Variants in SRPK2 observed in about 807,000 individuals in gnomAD.
The protein encoded by SRPK2 is SRSF protein kinase 2.
In SRPK2, 21 loss-of-function variants were observed where a neutral mutation model predicts 90.8. The observed-to-expected ratio is 0.23, with a 90% confidence interval of 0.16 to 0.33. The LOEUF is 0.33. SRPK2 is among the 10% of genes least tolerant of loss of function. SRPK2 has a pLI of 1.00. For missense variants in SRPK2, 620 were observed against 869.0 expected, an observed-to-expected ratio of 0.71 and a Z score of 3.60; for synonymous variants, 288 against 311.1, an observed-to-expected ratio of 0.93 and a Z score of 0.78.
intron 2 of SRPK2, among the ~76,000 whole-genome samples, chr7:105,347,646 G>C (rs567238236): frequency 6.6e-6 from 1 of 151,954 alleles, no homozygotes; most frequent in Admixed American, 6.6e-5. Flanking sequence ...TTGAGTCCAG[G>C]AGTTTGAGAC....
In SRPK2 at chr7:105,203,801, G is replaced by A; in HGVS notation, c.72-16C>T. On this transcript the variant is annotated splice_polypyrimidine_tract_variant and intron_variant, in intron 2 of 15. Transcript: ENST00000393651. ...AGGCTCCGGCCTGAAAGAGCAGAGA[G>A]AAAATTGCTATTTACTTAGAAGTAC... 1 of 1,558,698 alleles carries A rather than the reference G, an allele frequency of 6.4e-7. No homozygotes were observed. The highest frequency in any genetic ancestry group is 8.7e-7 in the Non-Finnish European group (1 of 1,150,980).
chr7:105,281,575 C>A (rs1468359), intron 2 of SRPK2, among the ~76,000 whole-genome samples: 65,871 of 151,454 alleles, frequency 0.43, 15,629 homozygotes, highest in South Asian at 0.54. Context: ...TCACTTGAGC[C>A]TTGAAGTTTA....
chr7:105,125,911 A>G (rs1801129411), intron 15 of SRPK2: 1 of 1,115,734 alleles, frequency 9.0e-7, no homozygotes, highest in African/African-American at 1.6e-5. Flanking sequence ...ACAGAAACAC[A>G]CGACAGTTTA....
chr7:105,356,052 A>C (rs1276350551), intron 2 of SRPK2, among the ~76,000 whole-genome samples: 2 of 152,124 alleles, frequency 1.3e-5, no homozygotes, highest in African/African-American at 2.4e-5. Flanking sequence ...TAAAATAAAT[A>C]AATTAAATTA....
At chr7:105,266,797 C>A (rs902582485) in intron 2 of SRPK2, among the ~76,000 whole-genome samples, 18 of 152,072 alleles carry the variant, frequency 1.2e-4, no homozygotes, top group African/African-American at 4.3e-4. Flanking sequence ...TCTTTTTAAA[C>A]TTCAGATTCT....
chr7:105,134,635 T>C (rs986120039), intron 11 of SRPK2, among the ~76,000 whole-genome samples: 2 of 152,214 alleles, frequency 1.3e-5, no homozygotes, highest in Admixed American at 1.3e-4. Flanking sequence ...ACCAGGGTGC[T>C]TGGGGAGGCT....
intron 2 of SRPK2, among the ~76,000 whole-genome samples, chr7:105,370,914 C>A (rs1284191888): frequency 1.3e-5 from 2 of 151,874 alleles, no homozygotes; most frequent in African/African-American, 4.8e-5. Context: ...CTGCGCCCGG[C>A]CGGATTATTA....
chr7:105,232,708 C>T (rs1408857298), intron 2 of SRPK2, among the ~76,000 whole-genome samples: 17 of 44,130 alleles, frequency 3.9e-4, no homozygotes, highest in East Asian at 7.5e-4. Context: ...AAAAAAACAA[C>T]AATAATAATA....
intron 2 of SRPK2, among the ~76,000 whole-genome samples, chr7:105,211,358 C>T (rs765995763): frequency 8.6e-5 from 13 of 151,880 alleles, no homozygotes; most frequent in Middle Eastern, 6.8e-3. Flanking sequence ...TGAGTCCATT[C>T]GTGCATTGCT....
intron 2 of SRPK2, chr7:105,205,862 C>T (rs1377917874): frequency 3.9e-6 from 2 of 507,976 alleles, no homozygotes; most frequent in Non-Finnish European, 3.9e-6. Context: ...ATGAGAAATA[C>T]TTTGAAAGCT....
chr7:105,234,198 A>G (rs2129620562), intron 2 of SRPK2, among the ~76,000 whole-genome samples: 1 of 152,288 alleles, frequency 6.6e-6, no homozygotes, highest in South Asian at 2.1e-4. Flanking sequence ...AAAGAAAAAG[A>G]CTACAAAGAT....
At chr7:105,273,324 C>T (rs1017142524) in intron 2 of SRPK2, among the ~76,000 whole-genome samples, 8 of 152,088 alleles carry the variant, frequency 5.3e-5, no homozygotes, top group African/African-American at 1.4e-4. Context: ...GCATGCCATG[C>T]TTTTTCACGC....
At chr7:105,343,125 C>G (rs1422934112) in intron 2 of SRPK2, among the ~76,000 whole-genome samples, 1 of 152,130 alleles carries the variant, frequency 6.6e-6, no homozygotes, top group African/African-American at 2.4e-5. Flanking sequence ...GTCTGAATGG[C>G]AAACATTTGT....
chr7:105,268,026 T>G (rs1192480757), intron 2 of SRPK2, among the ~76,000 whole-genome samples: 1 of 152,208 alleles, frequency 6.6e-6, no homozygotes, highest in Non-Finnish European at 1.5e-5. Context: ...TAAACAGAAC[T>G]GTATACAATA....
At chr7:105,116,052 TTA>T (rs1393781115), downstream of SRPK2, among the ~76,000 whole-genome samples, 5 of 152,148 alleles carry the variant, frequency 3.3e-5, no homozygotes, top group African/African-American at 1.2e-4. Context: ...CCTAAGAGGA[TTA>T]TGTGTCTTGT....
chr7:105,196,270 T>C (rs1316025330), intron 3 of SRPK2, among the ~76,000 whole-genome samples: 2 of 152,212 alleles, frequency 1.3e-5, no homozygotes, highest in Non-Finnish European at 2.9e-5. Flanking sequence ...AAAAGCATAG[T>C]GAATTAAGTA....
chr7:105,148,587 T>C (rs970850007), intron 7 of SRPK2, among the ~76,000 whole-genome samples: 6 of 152,246 alleles, frequency 3.9e-5, no homozygotes, highest in Non-Finnish European at 7.3e-5. Flanking sequence ...ATGAATTGAA[T>C]AGGCATTTTG....
At chr7:105,193,009 T>C (rs148785059) in intron 3 of SRPK2, among the ~76,000 whole-genome samples, 387 of 152,312 alleles carry the variant, frequency 2.5e-3, no homozygotes, top group African/African-American at 8.9e-3. Flanking sequence ...CTCTGCTGAC[T>C]CTTCCTTTTG....
chr7:105,393,410 G>A (rs1822233630), upstream of SRPK2, among the ~76,000 whole-genome samples: 1 of 151,424 alleles, frequency 6.6e-6, no homozygotes, highest in Non-Finnish European at 1.5e-5. Context: ...GGGATTAAAG[G>A]CGTGCACCAC....
Sources: gnomAD v4.1 joint callset for allele counts (sites outside exome capture counted in the v4.1 genomes callset) on GRCh38, gnomAD v4.1.1 for gene constraint, MANE v1.5 for transcripts, NCBI Gene and HGNC (gene_info 2026-07-23, HGNC 2026-07-21) for gene names.